The following SHANK2 variants were observed in gnomAD, a reference collection of about 807,000 sequenced individuals.
SHANK2 encodes SH3 and multiple ankyrin repeat domains 2.
A neutral mutation model predicts 133.7 loss-of-function variants in SHANK2; 43 were observed. The observed-to-expected ratio is 0.32, with a 90% CI of 0.25 to 0.41. The LOEUF is 0.41. Among genes scored for constraint, SHANK2 ranks in the 10% least tolerant of loss-of-function variants. The pLI is 1.00. For missense variants in SHANK2, 1,994 were observed against 2,235.8 expected (o/e 0.89, Z 2.18); for synonymous variants, 1,017 against 952.8 (o/e 1.07, Z -1.24).
At chr11:70,863,455 G>A (rs1363340029) in intron 11 of SHANK2, 6 of 457,798 alleles carry the variant, frequency 1.3e-5, no homozygotes, top group Admixed American at 4.7e-5. Context: ...TCCTGGCCAC[G>A]GCTATGTGGT....
intron 10 of SHANK2, among the ~76,000 whole-genome samples, chr11:70,934,245 C>CT (rs1555083073): frequency 1.8e-5 from 1 of 56,626 alleles, no homozygotes; most frequent in Non-Finnish European, 3.3e-5. Flanking sequence ...AACAACACCA[C>CT]CAAAAAAAAA....
At chr11:70,692,771 G>A (rs1176125609) in intron 15 of SHANK2, among the ~76,000 whole-genome samples, 2 of 152,198 alleles carry the variant, frequency 1.3e-5, no homozygotes, top group African/African-American at 4.8e-5. Flanking sequence ...TGGGCTGTGA[G>A]GCTCGAAAGC....
chr11:70,549,925 G>A (rs1486140574), intron 17 of SHANK2, among the ~76,000 whole-genome samples: 1 of 152,232 alleles, frequency 6.6e-6, no homozygotes, highest in African/African-American at 2.4e-5. Context: ...TGGGGGACTT[G>A]GTGGGCTCTC....
chr11:70,655,793 A>G (rs183221585), intron 17 of SHANK2, among the ~76,000 whole-genome samples: 1 of 152,310 alleles, frequency 6.6e-6, no homozygotes, highest in East Asian at 1.9e-4. Flanking sequence ...GGCAGGCCAC[A>G]TCAAGAGGCT....
intron 11 of SHANK2, among the ~76,000 whole-genome samples, chr11:70,839,297 T>C (rs1215616261): frequency 6.6e-6 from 1 of 152,186 alleles, no homozygotes; most frequent in African/African-American, 2.4e-5. Flanking sequence ...TTGGTTGCTT[T>C]ATTTGGTAAC....
Position 71,228,791 on chromosome 11 carries a change from AT to A in SHANK2, c.-112-3996del, listed in dbSNP as rs1412899546. On this transcript the variant is annotated intron_variant, in intron 1 of 25. Transcript: ENST00000601538. The stretch of plus-strand genomic sequence containing the variant: ...AATTAATAATTTTTTAAAAAAGAAG[AT>A]ACCTTATACAAACGTAAATCAAAGG... Among the ~76,000 whole-genome samples the A allele has an allele frequency of 2.6e-5, 4 of 152,340 alleles. No homozygotes were observed. The East Asian group carries it at 7.7e-4, about 29-fold the overall frequency.
chr11:70,483,623 G>A (rs914423866), intron 25 of SHANK2, among the ~76,000 whole-genome samples: 5 of 151,862 alleles, frequency 3.3e-5, no homozygotes, highest in South Asian at 4.2e-4. Flanking sequence ...GGTGAGGTGT[G>A]AGGATTGCTT....
chr11:70,939,019 G>A (rs1339917205), intron 10 of SHANK2, among the ~76,000 whole-genome samples: 3 of 151,990 alleles, frequency 2.0e-5, no homozygotes, highest in African/African-American at 7.2e-5. Context: ...ACTATGGGTG[G>A]CAGCAGGGAC....
chr11:70,525,102 G>A (rs1359207325), intron 17 of SHANK2, among the ~76,000 whole-genome samples: 11 of 152,370 alleles, frequency 7.2e-5, no homozygotes, highest in Admixed American at 2.0e-4. Flanking sequence ...CAGCTGCAGC[G>A]ACACTTACAG....
At chr11:70,517,621 C>T (rs1195561085) in intron 17 of SHANK2, among the ~76,000 whole-genome samples, 2 of 152,128 alleles carry the variant, frequency 1.3e-5, no homozygotes, top group Non-Finnish European at 2.9e-5. Context: ...AAAGGCTGCA[C>T]ACTGTATGAT....
chr11:71,184,340 C>G (rs1339002635), intron 2 of SHANK2, among the ~76,000 whole-genome samples: 1 of 152,150 alleles, frequency 6.6e-6, no homozygotes, highest in Non-Finnish European at 1.5e-5. Context: ...ACACTGAGGC[C>G]AGGCTGCACA....
At chr11:70,663,415 C>T (rs966089900) in intron 15 of SHANK2, among the ~76,000 whole-genome samples, 2 of 152,142 alleles carry the variant, frequency 1.3e-5, no homozygotes, top group African/African-American at 2.4e-5. Flanking sequence ...CCTCGATCCT[C>T]CCATTTTACA....
chr11:70,829,941 C>T (rs1555057935), intron 11 of SHANK2, among the ~76,000 whole-genome samples: 1 of 152,162 alleles, frequency 6.6e-6, no homozygotes, highest in African/African-American at 2.4e-5. Flanking sequence ...GTAGGCTCTC[C>T]GTGGATAATT....
At chr11:70,600,199 A>G (rs1399423053) in intron 17 of SHANK2, among the ~76,000 whole-genome samples, 1 of 152,030 alleles carries the variant, frequency 6.6e-6, no homozygotes, top group Non-Finnish European at 1.5e-5. Flanking sequence ...CGGGTGGATC[A>G]CTTGAGGTCA....
chr11:71,210,219 TA>T (rs1555118686), intron 2 of SHANK2, among the ~76,000 whole-genome samples: 673 of 56,386 alleles, frequency 0.012, 78 homozygotes, highest in African/African-American at 0.052. Flanking sequence ...GGTATATATA[TA>T]TATATATATA....
intron 17 of SHANK2, among the ~76,000 whole-genome samples, chr11:70,507,733 A>G (rs1260405882): frequency 6.6e-6 from 1 of 152,210 alleles, no homozygotes; most frequent in African/African-American, 2.4e-5. Context: ...AAAAGCCAGG[A>G]AAGTGGCCCC....
At chr11:71,215,409 T>C (rs1170610962) in intron 2 of SHANK2, among the ~76,000 whole-genome samples, 3 of 152,220 alleles carry the variant, frequency 2.0e-5, no homozygotes, top group African/African-American at 7.2e-5. Flanking sequence ...CAGCAGGTTC[T>C]GCCCTGGTCA....
chr11:71,098,103 ATG>A (rs1391066007), intron 6 of SHANK2, among the ~76,000 whole-genome samples: 9 of 133,168 alleles, frequency 6.8e-5, no homozygotes, highest in Non-Finnish European at 1.1e-4. Flanking sequence ...ATGCAGGCCT[ATG>A]TGTATGCATG....
intron 11 of SHANK2, among the ~76,000 whole-genome samples, chr11:70,875,735 G>A (rs1233789854): frequency 1.3e-5 from 2 of 151,902 alleles, no homozygotes; most frequent in African/African-American, 4.8e-5. Flanking sequence ...CATACCTGTG[G>A]TCCCAGCTAC....
Sources: gnomAD v4.1 joint callset for allele counts (sites outside exome capture counted in the v4.1 genomes callset) on GRCh38, gnomAD v4.1.1 for gene constraint, MANE v1.5 for transcripts, NCBI Gene and HGNC (gene_info 2026-07-23, HGNC 2026-07-21) for gene names.